EML5: variants seen among roughly 807,000 people sequenced by gnomAD.
EML5 encodes the protein echinoderm microtubule-associated protein-like 5.
Under a neutral mutation model 250.0 loss-of-function variants are expected in EML5, and 120 were observed. The ratio of observed to expected loss-of-function variants is 0.48; its 90% CI spans 0.41 to 0.56. The LOEUF is 0.56. Among genes scored for constraint, EML5 ranks in the 20% least tolerant of loss-of-function variants. The pLI, the probability that EML5 is intolerant of heterozygous loss-of-function variation, is 0.00. For missense variants in EML5, 2,006 were observed against 2,437.6 expected (o/e 0.82, Z 3.73); for synonymous variants, 771 against 806.5 (o/e 0.96, Z 0.75).
At chr14:88,768,076 A>C (rs773920770) in intron 1 of EML5, among the ~76,000 whole-genome samples, 6 of 152,170 alleles carry the variant, frequency 3.9e-5, no homozygotes, top group Non-Finnish European at 8.8e-5. Flanking sequence ...AATGTCTCCA[A>C]ATTTGGATTT....
rs532379165 is a variant in EML5 at position 88,771,956 on chromosome 14, T to G, written c.198-17285A>C. Among the ~76,000 whole-genome samples, 3 of 152,282 alleles carry G rather than the reference T, an allele frequency of 2.0e-5. No homozygotes were observed. The East Asian group carries it at 5.8e-4, about 29-fold the overall frequency. On this transcript the variant is annotated intron_variant, in intron 1 of 43. Transcript: ENST00000554922. ...AGGTGATTTCATCCAATCCCACAGC[T>G]TTAAATGCATATAGACTGTGATAAC...
intron 10 of EML5, among the ~76,000 whole-genome samples, chr14:88,706,923 AAGTC>A (rs1368348364): frequency 6.6e-6 from 1 of 152,264 alleles, no homozygotes; most frequent in African/African-American, 2.4e-5. Context: ...CGACATTAAA[AAGTC>A]AATCAATGTA....
chr14:88,678,461 A>AT (rs1332560382), intron 21 of EML5, among the ~76,000 whole-genome samples: 26 of 152,068 alleles, frequency 1.7e-4, no homozygotes, highest in Non-Finnish European at 3.8e-4. Flanking sequence ...ATAAAAAAAA[A>AT]TTTTAAAGCC....
intron 11 of EML5, 146 bp downstream of exon 11, chr14:88,706,113 T>G: frequency 1.4e-6 from 1 of 727,002 alleles, no homozygotes; most frequent in Middle Eastern, 3.6e-4. Context: ...CATATAGAAC[T>G]AATATTTTAA....
chr14:88,729,260 G>A (rs1003863610), intron 7 of EML5, among the ~76,000 whole-genome samples: 30 of 152,012 alleles, frequency 2.0e-4, no homozygotes, highest in African/African-American at 7.0e-4. Flanking sequence ...GGTGAAAATA[G>A]CATAACTGTC....
Position 88,665,384 on chromosome 14 carries a change from G to T in EML5, c.3230C>A (p.Ser1077Tyr), listed in dbSNP as rs776959163. 1.7e-5 allele frequency: 27 copies of T among 1,613,674 alleles called. No homozygotes were observed. Among genetic ancestry groups the T allele is most frequent in the Middle Eastern group, 1.6e-4 (1 of 6,082 alleles). Residue 1077 changes from serine (S) to tyrosine (Y), a missense_variant, in exon 22 of 44, where the codon TCT (serine) becomes TAT (tyrosine). Coordinates refer to ENST00000554922, the MANE Select transcript of EML5 (RefSeq NM_183387.3). Reference protein sequence around the residue: ...ANADTLEDLVSFHHRKDMISD... With the variant: ...ANADTLEDLVYFHHRKDMISD... ...AATCATATCTTTTCTGTGATGAAAA[G>T]ACACAAGATCCTCTAGAGTATCCGC... is the stretch of plus-strand genomic sequence containing the variant.
chr14:88,638,539 C>T lies in EML5; in HGVS notation c.4336+270G>A, dbSNP rs564612926. Reference sequence around the variant, plus strand: ...TAAACCTTTTTGCTGACCAGAAATTCCTGCTAAAGGACTAAATCCAACTAT... The same window carrying T: ...TAAACCTTTTTGCTGACCAGAAATTTCTGCTAAAGGACTAAATCCAACTAT... On this transcript the variant is annotated intron_variant, in intron 32 of 43. Transcript: ENST00000554922. Among the ~76,000 whole-genome samples, 73 of 152,238 alleles carry T rather than the reference C, an allele frequency of 4.8e-4. No individual in the cohort carries two copies. The South Asian group carries it at 0.015, about 31-fold the overall frequency.
intron 20 of EML5, among the ~76,000 whole-genome samples, chr14:88,682,543 A>G (rs1236118905): frequency 6.6e-6 from 1 of 152,166 alleles, no homozygotes; most frequent in African/African-American, 2.4e-5. Flanking sequence ...TTAAACTGAG[A>G]TCCACTCCCT....
chr14:88,729,913 T>C (rs182738556), intron 7 of EML5, among the ~76,000 whole-genome samples: 5 of 151,776 alleles, frequency 3.3e-5, no homozygotes, highest in Admixed American at 2.6e-4. Flanking sequence ...ATGGCTTACA[T>C]ACTGTCTTTG....
At chr14:88,738,502 T>C (rs2093879802) in intron 6 of EML5, among the ~76,000 whole-genome samples, 1 of 152,024 alleles carries the variant, frequency 6.6e-6, no homozygotes, top group Non-Finnish European at 1.5e-5. Flanking sequence ...TGAACAAAAG[T>C]TTCCCAACCC....
intron 27 of EML5, 136 bp from the exon 28 acceptor site, chr14:88,650,062 T>C (rs111928859): frequency 1.1e-5 from 6 of 547,788 alleles, no homozygotes; most frequent in Admixed American, 3.8e-5. Context: ...GTCTAACTTA[T>C]GTCACATTGG....
intron 21 of EML5, among the ~76,000 whole-genome samples, chr14:88,673,230 A>C (rs760227972): frequency 6.6e-6 from 1 of 152,226 alleles, no homozygotes; most frequent in Non-Finnish European, 1.5e-5. Context: ...GGCTTGTTCA[A>C]CACACACAAA....
chr14:88,627,908 G>A lies in EML5; in HGVS notation c.4358-89C>T, dbSNP rs1421813592. On this transcript the variant is annotated intron_variant, in intron 33 of 43. Transcript: ENST00000554922. ...TTATGCATATTCATCTGTGAAACATGGACAAATGTGTACCAAACAAAAACT... is the reference window on the plus strand; with the variant it reads ...TTATGCATATTCATCTGTGAAACATAGACAAATGTGTACCAAACAAAAACT... 1.2e-5 allele frequency: 14 copies of A among 1,167,350 alleles called. No homozygotes were observed. In the Admixed American group the frequency reaches 1.2e-4, roughly 10 times the overall value. 72.3% of individuals were successfully genotyped at this position (1,167,350 alleles called of 1,614,324 possible).
At chr14:88,715,490 G>C (rs1005826490) in intron 8 of EML5, among the ~76,000 whole-genome samples, 2 of 152,106 alleles carry the variant, frequency 1.3e-5, no homozygotes, top group African/African-American at 4.8e-5. Flanking sequence ...AGGAAATAAA[G>C]TAATAGATTT....
Position 88,642,998 on chromosome 14 carries a change from C to CAA in EML5, c.4130_4131dup (p.Gly1378LeufsTer15). The CAA allele has an allele frequency of 6.3e-7, 1 of 1,591,748 alleles. No individual in the cohort carries two copies. The highest frequency in any genetic ancestry group is 8.5e-7 in the Non-Finnish European group (1 of 1,173,920). On this transcript the variant is annotated frameshift_variant, in exon 31 of 44. Coordinates refer to ENST00000554922, the MANE Select transcript of EML5 (RefSeq NM_183387.3). LOFTEE classifies it high-confidence loss of function. ...TTCCTACAGTCTCTGCCTCGATAAC[C>CAA]AAAAATGAGCTCCAACACAAGGTCC...
chr14:88,730,851 G>T (rs1411835273), intron 7 of EML5, among the ~76,000 whole-genome samples: 1 of 152,130 alleles, frequency 6.6e-6, no homozygotes, highest in Non-Finnish European at 1.5e-5. Flanking sequence ...ATGGCTTAAA[G>T]AAATTTACAC....
intron 33 of EML5, among the ~76,000 whole-genome samples, chr14:88,628,983 G>T (rs2090246385): frequency 6.6e-6 from 1 of 151,940 alleles, no homozygotes; most frequent in African/African-American, 2.4e-5. Context: ...AATAATGTCA[G>T]TATTGAACTA....
At chr14:88,682,927 C>T (rs551122316) in intron 20 of EML5, among the ~76,000 whole-genome samples, 2 of 152,332 alleles carry the variant, frequency 1.3e-5, no homozygotes, top group East Asian at 3.9e-4. Flanking sequence ...TCACTCTCAA[C>T]TCCAGAGCCC....
chr14:88,688,505 C>T, intron 17 of EML5, 32 bp from the exon 18 acceptor site: 1 of 1,603,930 alleles, frequency 6.2e-7, no homozygotes, highest in African/African-American at 1.3e-5. Context: ...GAAAGTACCA[C>T]TTTCAAAATG....
Sources: allele counts gnomAD v4.1 joint callset (sites outside exome capture counted in the v4.1 genomes callset), GRCh38; gene constraint gnomAD v4.1.1; transcripts MANE v1.5; gene names NCBI Gene and HGNC (gene_info 2026-07-23, HGNC 2026-07-21).